The following GRM7 variants were observed in gnomAD, a reference collection of about 807,000 sequenced individuals.
GRM7 encodes metabotropic glutamate receptor 7.
A neutral mutation model predicts 84.5 loss-of-function variants in GRM7; 35 were observed. The observed-to-expected ratio is 0.41, with a 90% CI of 0.32 to 0.55. The LOEUF (loss-of-function observed/expected upper bound fraction) is 0.55. GRM7 is among the 20% of genes least tolerant of loss of function. The probability of loss-of-function intolerance (pLI) is 0.19; values close to 1 mark genes in which losing one functional copy is unlikely to be tolerated. For synonymous variants in GRM7, 487 were observed against 455.1 expected, an observed-to-expected ratio of 1.07 and a Z score of -0.89; for missense variants, 1,003 against 1,194.6, an observed-to-expected ratio of 0.84 and a Z score of 2.36.
chr3:7,719,366 A>C (rs1701865316), intron 9 of GRM7, among the ~76,000 whole-genome samples: 1 of 152,204 alleles, frequency 6.6e-6, no homozygotes, highest in Admixed American at 6.5e-5. Flanking sequence ...TCTTTGCAAA[A>C]ATATAGTCTT....
intron 4 of GRM7, among the ~76,000 whole-genome samples, chr3:7,353,089 G>A (rs1693232450): frequency 6.6e-6 from 1 of 151,998 alleles, no homozygotes; most frequent in Non-Finnish European, 1.5e-5. Flanking sequence ...AGTAGTGGTT[G>A]CCTCTGAGGC....
At chr3:7,475,127 G>C (rs1362778479) in intron 7 of GRM7, among the ~76,000 whole-genome samples, 1 of 152,140 alleles carries the variant, frequency 6.6e-6, no homozygotes, top group Non-Finnish European at 1.5e-5. Context: ...AACAAGCTTT[G>C]AACAAGGAAG....
intron 8 of GRM7, among the ~76,000 whole-genome samples, chr3:7,585,344 G>A (rs746212820): frequency 1.3e-5 from 2 of 152,108 alleles, no homozygotes; most frequent in Admixed American, 6.5e-5. Context: ...TAGTCGCTTG[G>A]GATGGTGCAG....
In GRM7 at chr3:7,452,452, G is replaced by A. The variant is rs138478827; in HGVS notation, c.1175-155G>A. ...GATATGGATACCAACTGGCTATCAC[G>A]TGGTAGGCAAATGTGGCTTGAATTA... is the stretch of plus-strand genomic sequence containing the variant. On this transcript the variant is annotated intron_variant, in intron 5 of 9. Transcript: ENST00000357716. 9.3e-3 allele frequency among the ~76,000 whole-genome samples: 1,413 copies of A among 152,244 alleles called. 16 individuals are homozygous for A. Among genetic ancestry groups the A allele is most frequent in the South Asian group, 0.048 (234 of 4,826 alleles).
chr3:7,168,926 T>A (rs921147459), intron 2 of GRM7, among the ~76,000 whole-genome samples: 1 of 152,184 alleles, frequency 6.6e-6, no homozygotes, highest in African/African-American at 2.4e-5. Flanking sequence ...AAGAAAAGAA[T>A]GAGAACAGAC....
chr3:7,149,404 A>G (rs888166542), intron 2 of GRM7, among the ~76,000 whole-genome samples: 8 of 152,194 alleles, frequency 5.3e-5, no homozygotes, highest in South Asian at 2.1e-4. Flanking sequence ...CTGATGTTCA[A>G]TTGAAGAAAT....
chr3:6,885,556 G>A (rs999246602), intron 1 of GRM7, among the ~76,000 whole-genome samples: 2 of 152,112 alleles, frequency 1.3e-5, no homozygotes, highest in Non-Finnish European at 2.9e-5. Flanking sequence ...AGGTATCCAA[G>A]CCCGACCCCC....
At chr3:7,518,030 A>C (rs574536584) in intron 7 of GRM7, among the ~76,000 whole-genome samples, 1 of 152,306 alleles carries the variant, frequency 6.6e-6, no homozygotes, top group South Asian at 2.1e-4. Context: ...GGCTGCAGTC[A>C]GCTGAGATTC....
intron 4 of GRM7, 134 bp from the exon 5 acceptor site, chr3:7,414,886 ATTT>A: frequency 2.2e-5 from 10 of 454,012 alleles, no homozygotes; most frequent in East Asian, 4.0e-5. Context: ...CCTTCTGTTA[ATTT>A]TTTTTTTTTT....
chr3:7,013,103 A>T lies in GRM7; in HGVS notation c.520-133349A>T, dbSNP rs1695437361. On this transcript the variant is annotated intron_variant, in intron 1 of 9. Coordinates refer to ENST00000357716, the MANE Select transcript of GRM7 (RefSeq NM_000844.4). ...CTCTTTTGCCCTACCATATTTCTGG[A>T]TGACAATCCATTCTTCATCAACCCT... is the stretch of plus-strand genomic sequence containing the variant. Among the ~76,000 whole-genome samples the T allele has an allele frequency of 2.0e-5, 3 of 150,028 alleles. 1 individual carries two copies. The South Asian group carries it at 6.4e-4, about 32-fold the overall frequency.
At chr3:6,881,951 G>GTT (rs1695529559) in intron 1 of GRM7, among the ~76,000 whole-genome samples, 1 of 151,828 alleles carries the variant, frequency 6.6e-6, no homozygotes, top group Admixed American at 6.6e-5. Flanking sequence ...GTGTGTGTGT[G>GTT]TGTATTAGTA....
chr3:7,689,549 C>T (rs1444391473), intron 9 of GRM7, among the ~76,000 whole-genome samples: 4 of 152,148 alleles, frequency 2.6e-5, no homozygotes, highest in South Asian at 2.1e-4. Context: ...TCATTTCTCT[C>T]GCCAAGGCTT....
chr3:7,258,661 C>T (rs955735741), intron 2 of GRM7, among the ~76,000 whole-genome samples: 4 of 152,096 alleles, frequency 2.6e-5, no homozygotes, highest in African/African-American at 7.2e-5. Context: ...AAGAAGATTC[C>T]TGAAGGCTGG....
intron 4 of GRM7, among the ~76,000 whole-genome samples, chr3:7,307,602 TTC>T (rs1285601988): frequency 5.3e-5 from 8 of 152,198 alleles, no homozygotes; most frequent in Non-Finnish European, 1.2e-4. Flanking sequence ...ACTGTTTCCT[TTC>T]TGTTATCTGG....
At chr3:7,393,989 A>G (rs1695106601) in intron 4 of GRM7, among the ~76,000 whole-genome samples, 1 of 152,110 alleles carries the variant, frequency 6.6e-6, no homozygotes, top group African/African-American at 2.4e-5. Context: ...TATGTATTTT[A>G]CCTATGTCAT....
At chr3:6,977,685 A>G (rs1231446437) in intron 1 of GRM7, among the ~76,000 whole-genome samples, 1 of 152,178 alleles carries the variant, frequency 6.6e-6, no homozygotes, top group Admixed American at 6.5e-5. Context: ...GGATTTTACT[A>G]GAATGGGCCA....
chr3:7,168,898 A>G (rs1165259482), intron 2 of GRM7, among the ~76,000 whole-genome samples: 1 of 152,178 alleles, frequency 6.6e-6, no homozygotes, highest in Non-Finnish European at 1.5e-5. Flanking sequence ...CCTCTACATT[A>G]CTCATATCAA....
intron 2 of GRM7, among the ~76,000 whole-genome samples, chr3:7,176,339 A>T (rs1285700139): frequency 6.6e-5 from 10 of 150,532 alleles, no homozygotes; most frequent in African/African-American, 2.2e-4. Context: ...TGAGCCTGCC[A>T]GGAGGTCGGT....
chr3:7,631,332 G>C (rs890963937), intron 8 of GRM7, among the ~76,000 whole-genome samples: 1 of 151,622 alleles, frequency 6.6e-6, no homozygotes, highest in Non-Finnish European at 1.5e-5. Flanking sequence ...CGGCAGTAGG[G>C]AGTATTCAGG....
Sources: gnomAD v4.1 joint callset for allele counts (sites outside exome capture counted in the v4.1 genomes callset) on GRCh38, gnomAD v4.1.1 for gene constraint, MANE v1.5 for transcripts, NCBI Gene and HGNC (gene_info 2026-07-23, HGNC 2026-07-21) for gene names.